Variants in FRMD3 observed in about 807,000 individuals in gnomAD.
The protein encoded by FRMD3 is FERM domain containing 3.
In FRMD3, 33 loss-of-function variants were observed where a neutral mutation model predicts 70.2. The ratio of observed to expected loss-of-function variants is 0.47; its 90% CI spans 0.36 to 0.63. FRMD3 has a LOEUF of 0.63. Ranked by LOEUF, FRMD3 falls within the 20% of genes least tolerant of loss-of-function variation. The pLI is 0.00. For missense variants in FRMD3, 632 were observed against 711.4 expected, an observed-to-expected ratio of 0.89 and a Z score of 1.27; for synonymous variants, 279 against 255.9, an observed-to-expected ratio of 1.09 and a Z score of -0.86.
intron 10 of FRMD3, among the ~76,000 whole-genome samples, chr9:83,308,770 C>A (rs1408131196): frequency 5.3e-5 from 8 of 152,198 alleles, no homozygotes; most frequent in Non-Finnish European, 1.2e-4. Flanking sequence ...CACCCATAAA[C>A]CTTTGGCTCT....
chr9:83,392,700 C>T (rs570139992), intron 1 of FRMD3, among the ~76,000 whole-genome samples: 1 of 152,278 alleles, frequency 6.6e-6, no homozygotes, highest in African/African-American at 2.4e-5. Flanking sequence ...CACAAGCCCG[C>T]ACAGCACTAA....
intron 1 of FRMD3, among the ~76,000 whole-genome samples, chr9:83,478,493 A>C (rs7026525): frequency 0.43 from 65,490 of 152,002 alleles, 14,251 homozygotes; most frequent in Middle Eastern, 0.46. Context: ...TGAAAACAAC[A>C]ACAGCCAAAA....
At position 83,314,818 on chromosome 9, in the gene FRMD3, C is replaced by T. The variant is rs1362318361; in HGVS notation, c.597-1071G>A. Among the ~76,000 whole-genome samples, 3 of 152,014 alleles carry T rather than the reference C, an allele frequency of 2.0e-5. No individual in the cohort carries two copies. The South Asian group carries it at 6.2e-4, about 32-fold the overall frequency. ...TTGACTATTTCTTGATTCTTTTCTT[C>T]CCTTCCCCACTTCCTCCACCACTCT... On this transcript the variant is annotated intron_variant, in intron 6 of 13. Transcript: ENST00000304195.
intron 6 of FRMD3, among the ~76,000 whole-genome samples, chr9:83,321,664 G>T (rs1268745416): frequency 6.6e-6 from 1 of 152,120 alleles, no homozygotes; most frequent in Non-Finnish European, 1.5e-5. Flanking sequence ...TAGCTATTGG[G>T]TAGAACATTC....
intron 1 of FRMD3, among the ~76,000 whole-genome samples, chr9:83,527,629 T>G (rs1385989482): frequency 6.6e-6 from 1 of 152,144 alleles, no homozygotes; most frequent in African/African-American, 2.4e-5. Context: ...GAATGTCAAA[T>G]TTCAGGGCCC....
chr9:83,343,182 A>G lies in FRMD3; in HGVS notation c.472+8T>C, dbSNP rs1432642477. The G allele has an allele frequency of 6.2e-7, 1 of 1,603,888 alleles. No homozygotes were observed. The highest frequency in any genetic ancestry group is 2.2e-5 in the East Asian group (1 of 44,842). Reference sequence around the variant, plus strand: ...AAGGTGGCGTGGGTGAGCTGTGGCCAGACTTACCTTGAACAATACAGGCAC... The same window carrying G: ...AAGGTGGCGTGGGTGAGCTGTGGCCGGACTTACCTTGAACAATACAGGCAC... On this transcript the variant is annotated splice_region_variant and intron_variant, in intron 5 of 13. Transcript: ENST00000304195.
At chr9:83,527,420 A>T (rs1409071221) in intron 1 of FRMD3, among the ~76,000 whole-genome samples, 1 of 152,130 alleles carries the variant, frequency 6.6e-6, no homozygotes, top group African/African-American at 2.4e-5. Flanking sequence ...TTATTCACTC[A>T]CTTACCCACA....
At chr9:83,445,115 C>T (rs1011584234) in intron 1 of FRMD3, among the ~76,000 whole-genome samples, 2 of 152,210 alleles carry the variant, frequency 1.3e-5, no homozygotes, top group Non-Finnish European at 2.9e-5. Flanking sequence ...GTGGCTCACG[C>T]CTGTAATCCC....
chr9:83,409,000 A>T (rs985594741), intron 1 of FRMD3, among the ~76,000 whole-genome samples: 6 of 152,178 alleles, frequency 3.9e-5, no homozygotes, highest in Admixed American at 2.6e-4. Context: ...AAGTCTACCC[A>T]GGCAGCTCAA....
chr9:83,247,212 T>C lies in FRMD3; in HGVS notation c.*706A>G, dbSNP rs1157573885. The C allele has an allele frequency of 3.0e-6, 3 of 985,252 alleles. No homozygotes were observed. Among genetic ancestry groups the C allele is most frequent in the South Asian group, 9.4e-5 (2 of 21,290 alleles). 61.0% of individuals were successfully genotyped at this position (985,252 alleles called of 1,614,324 possible). On this transcript the variant is annotated 3_prime_UTR_variant, in exon 14 of 14. Coordinates refer to ENST00000304195, the MANE Select transcript of FRMD3 (RefSeq NM_174938.6). ...CTCTGTTTTAGCAGCTTACTTACTA[T>C]AGTGTCTTTCTACCCATTTTCTATC...
intron 2 of FRMD3, among the ~76,000 whole-genome samples, chr9:83,380,406 C>T (rs953902847): frequency 1.3e-5 from 2 of 152,114 alleles, no homozygotes; most frequent in Admixed American, 6.5e-5. Flanking sequence ...CCTGAGTTTC[C>T]TTGTTCTAAC....
At chr9:83,478,463 C>T (rs897202614) in intron 1 of FRMD3, among the ~76,000 whole-genome samples, 1 of 152,160 alleles carries the variant, frequency 6.6e-6, no homozygotes, top group Non-Finnish European at 1.5e-5. Flanking sequence ...TACCACTTCA[C>T]CCCATTAGGA....
the FRMD3 span, among the ~76,000 whole-genome samples, chr9:83,553,537 C>T: frequency 2.0e-5 from 3 of 152,136 alleles, no homozygotes; most frequent in African/African-American, 7.2e-5. Context: ...AATCCCATAC[C>T]TCTTTGAGGT....
At chr9:83,564,396 C>A in the FRMD3 span, among the ~76,000 whole-genome samples, 1 of 152,152 alleles carries the variant, frequency 6.6e-6, no homozygotes, top group Non-Finnish European at 1.5e-5. Context: ...AGGGAAGTCA[C>A]CAATGTCAAG....
In FRMD3 at chr9:83,355,124, T is replaced by C. The variant is rs557148165; in HGVS notation, c.296-5367A>G. Among the ~76,000 whole-genome samples the C allele has an allele frequency of 3.3e-5, 5 of 152,216 alleles. No homozygotes were observed. The South Asian group carries it at 1.0e-3, about 32-fold the overall frequency. Reference sequence around the variant, plus strand: ...GACATGTCCAAGGTCCTGAATCCCCTTGTGCAGCGATGACTAACCCCTTCT... The same window carrying C: ...GACATGTCCAAGGTCCTGAATCCCCCTGTGCAGCGATGACTAACCCCTTCT... On this transcript the variant is annotated intron_variant, in intron 3 of 13. Coordinates refer to ENST00000304195, the MANE Select transcript of FRMD3 (RefSeq NM_174938.6).
chr9:83,512,973 C>T (rs950174639), intron 1 of FRMD3, among the ~76,000 whole-genome samples: 5 of 152,222 alleles, frequency 3.3e-5, no homozygotes, highest in East Asian at 3.9e-4. Flanking sequence ...TAAAATGACA[C>T]GATGAAAGAA....
At chr9:83,315,672 C>T (rs563487166) in intron 6 of FRMD3, among the ~76,000 whole-genome samples, 2 of 152,322 alleles carry the variant, frequency 1.3e-5, no homozygotes, top group South Asian at 2.1e-4. Context: ...CCTGTTCAGC[C>T]TGTGGTACTG....
At chr9:83,368,214 C>T (rs772832478) in intron 3 of FRMD3, among the ~76,000 whole-genome samples, 4 of 152,228 alleles carry the variant, frequency 2.6e-5, no homozygotes, top group African/African-American at 9.6e-5. Context: ...AACCAGGACA[C>T]TGTTCAGCAT....
At chr9:83,399,071 A>C (rs754232520) in intron 1 of FRMD3, among the ~76,000 whole-genome samples, 2 of 152,210 alleles carry the variant, frequency 1.3e-5, no homozygotes, top group Non-Finnish European at 2.9e-5. Flanking sequence ...TCACAGCAAG[A>C]GGCTTAATAG....
Sources: allele counts gnomAD v4.1 joint callset (sites outside exome capture counted in the v4.1 genomes callset), GRCh38; gene constraint gnomAD v4.1.1; transcripts MANE v1.5; gene names NCBI Gene and HGNC (gene_info 2026-07-23, HGNC 2026-07-21).